CPED1: variants seen among roughly 807,000 people sequenced by gnomAD.
CPED1 encodes cadherin like and PC-esterase domain containing 1.
Under a neutral mutation model 128.2 loss-of-function variants are expected in CPED1, and 114 were observed. The ratio of observed to expected loss-of-function variants is 0.89; its 90% CI spans 0.76 to 1.04. The LOEUF (loss-of-function observed/expected upper bound fraction) is 1.04, where lower values mean the gene tolerates loss of function less well. CPED1 is among the 50% of genes least tolerant of loss of function. CPED1 has a pLI of 0.00. For synonymous variants in CPED1, 462 were observed against 426.7 expected (o/e 1.08, Z -1.02); for missense variants, 1,211 against 1,207.1 (o/e 1.00, Z -0.05).
intron 16 of CPED1, among the ~76,000 whole-genome samples, chr7:121,156,115 GA>G (rs1319726189): frequency 6.6e-6 from 1 of 152,086 alleles, no homozygotes; most frequent in Non-Finnish European, 1.5e-5. Context: ...AACCATCAGA[GA>G]AATGCAAATC....
At chr7:121,134,445 G>A (rs1795742188) in intron 13 of CPED1, among the ~76,000 whole-genome samples, 1 of 152,022 alleles carries the variant, frequency 6.6e-6, no homozygotes. Context: ...GTAGTTATTA[G>A]AGGCCAGGGA....
chr7:121,011,115 C>G (rs932590125), intron 2 of CPED1, among the ~76,000 whole-genome samples: 1 of 151,850 alleles, frequency 6.6e-6, no homozygotes. Flanking sequence ...AACACACATC[C>G]AAAGTCTACT....
chr7:121,123,328 A>G (rs1036525455), intron 7 of CPED1, among the ~76,000 whole-genome samples: 1 of 152,188 alleles, frequency 6.6e-6, no homozygotes, highest in Non-Finnish European at 1.5e-5. Context: ...CAGGCAATCC[A>G]GGCCAATATT....
chr7:121,223,383 A>G (rs1797930178), intron 16 of CPED1, among the ~76,000 whole-genome samples: 1 of 152,146 alleles, frequency 6.6e-6, no homozygotes, highest in African/African-American at 2.4e-5. Flanking sequence ...GGATTTTCGC[A>G]TTGATGTTCA....
At chr7:121,180,370 A>G (rs1040147378) in intron 16 of CPED1, among the ~76,000 whole-genome samples, 1 of 152,084 alleles carries the variant, frequency 6.6e-6, no homozygotes, top group Non-Finnish European at 1.5e-5. Context: ...AATATCAACA[A>G]TGAAATAAAA....
chr7:121,014,790 G>T (rs1214176561), intron 2 of CPED1, among the ~76,000 whole-genome samples: 1 of 151,868 alleles, frequency 6.6e-6, no homozygotes, highest in Non-Finnish European at 1.5e-5. Flanking sequence ...CACCTCCTTT[G>T]GCTCCTCTTG....
At chr7:120,999,034 A>C (rs1791755045) in intron 2 of CPED1, among the ~76,000 whole-genome samples, 1 of 152,190 alleles carries the variant, frequency 6.6e-6, no homozygotes, top group African/African-American at 2.4e-5. Context: ...CCAGTGTAAA[A>C]ACAGCCTCTG....
intron 5 of CPED1, among the ~76,000 whole-genome samples, chr7:121,069,547 A>T (rs1019856649): frequency 6.6e-6 from 1 of 152,156 alleles, no homozygotes; most frequent in Non-Finnish European, 1.5e-5. Flanking sequence ...AGGCTAACAC[A>T]GTCTGTTCCA....
chr7:121,235,821 G>A (rs1297527428), intron 16 of CPED1, among the ~76,000 whole-genome samples: 1 of 152,138 alleles, frequency 6.6e-6, no homozygotes, highest in African/African-American at 2.4e-5. Flanking sequence ...CAAAAGTAGG[G>A]AGACGTAATT....
intron 18 of CPED1, among the ~76,000 whole-genome samples, chr7:121,247,725 G>T (rs957299568): frequency 2.0e-5 from 3 of 152,160 alleles, no homozygotes; most frequent in Non-Finnish European, 4.4e-5. Flanking sequence ...TGTCCAGAGA[G>T]TAGACATAGA....
chr7:121,069,896 A>G (rs1248439194), intron 5 of CPED1, among the ~76,000 whole-genome samples: 1 of 152,084 alleles, frequency 6.6e-6, no homozygotes. Flanking sequence ...AATCCTGGTT[A>G]AAAGTTTGCC....
Position 120,989,420 on chromosome 7 carries a change from A to C in CPED1, c.-202A>C. 2.5e-5 allele frequency: 14 copies of C among 569,740 alleles called. No individual in the cohort carries two copies. The highest frequency in any genetic ancestry group is 6.3e-5 in the East Asian group (2 of 31,614). The allele number at this position is 569,740 out of a possible 1,614,324, so 35.3% of individuals were successfully genotyped here. On this transcript the variant is annotated 5_prime_UTR_variant, in exon 2 of 23. Transcript: ENST00000310396. The stretch of plus-strand genomic sequence containing the variant: ...TCCACTTTTGACTGTCATCCATGGA[A>C]GAGCTCTTATTAAAAGCCTCAGACT...
At chr7:121,021,968 T>C (rs1250942526) in intron 3 of CPED1, among the ~76,000 whole-genome samples, 1 of 151,998 alleles carries the variant, frequency 6.6e-6, no homozygotes, top group Non-Finnish European at 1.5e-5. Context: ...TCTCGACTTA[T>C]ATGTTCTCAT....
chr7:121,227,159 A>T (rs1798033003), intron 16 of CPED1, among the ~76,000 whole-genome samples: 1 of 152,070 alleles, frequency 6.6e-6, no homozygotes, highest in African/African-American at 2.4e-5. Flanking sequence ...GCAGGAACCC[A>T]GCGTTGGCCA....
Position 121,130,227 on chromosome 7 carries a change from TC to T in CPED1, c.1511del (p.Ser504PhefsTer3). The T allele has an allele frequency of 6.2e-7, 1 of 1,612,372 alleles. No homozygotes were observed. The highest frequency in any genetic ancestry group is 8.5e-7 in the Non-Finnish European group (1 of 1,179,054). ...NPGSVLTQYW[S>X]LLNVFEQFQF... ...TGGCTCAGTCCTGACCCAATACTGG[TC>T]TCTTTTAAATGTATTTGAACAATTT... On this transcript the variant is annotated frameshift_variant, in exon 12 of 23. Transcript: ENST00000310396. LOFTEE classifies it high-confidence loss of function.
At chr7:121,267,472 G>A (rs1363531278) in intron 21 of CPED1, among the ~76,000 whole-genome samples, 170 bp downstream of exon 21, 2 of 151,930 alleles carry the variant, frequency 1.3e-5, no homozygotes, top group African/African-American at 4.8e-5. Flanking sequence ...ACCTTTAAAG[G>A]CTATATTAAA....
At chr7:121,007,940 G>A (rs568466568) in intron 2 of CPED1, among the ~76,000 whole-genome samples, 8 of 151,022 alleles carry the variant, frequency 5.3e-5, no homozygotes, top group Non-Finnish European at 1.2e-4. Context: ...TCCCTCTTAT[G>A]GTTTAGTGAC....
chr7:121,075,528 C>T lies in CPED1; in HGVS notation c.616+11215C>T, dbSNP rs546064838. ...TGTCACCCAGGCTGGAGTGCAGTGG[C>T]GCGATCTTGCTGCAACTTTCTCCTC... On this transcript the variant is annotated intron_variant, in intron 5 of 22. Coordinates refer to ENST00000310396, the MANE Select transcript of CPED1 (RefSeq NM_024913.5). 8.6e-5 allele frequency among the ~76,000 whole-genome samples: 13 copies of T among 152,042 alleles called. No homozygotes were observed. The South Asian group carries it at 2.1e-3, about 24-fold the overall frequency.
At chr7:121,053,448 C>A (rs938802338) in intron 4 of CPED1, among the ~76,000 whole-genome samples, 1 of 152,144 alleles carries the variant, frequency 6.6e-6, no homozygotes. Context: ...TTCTTGGAAG[C>A]AGTCTACCCT....
Sources: gnomAD v4.1 joint callset for allele counts (sites outside exome capture counted in the v4.1 genomes callset) on GRCh38, gnomAD v4.1.1 for gene constraint, MANE v1.5 for transcripts, NCBI Gene and HGNC (gene_info 2026-07-23, HGNC 2026-07-21) for gene names.